The following ARPP19 variants were observed in gnomAD, a reference collection of about 807,000 sequenced individuals.
ARPP19 encodes the protein cAMP-regulated phosphoprotein 19.
Under a neutral mutation model 12.0 loss-of-function variants are expected in ARPP19, and 8 were observed. That is an observed-to-expected ratio of 0.67 (90% CI 0.39 to 1.21). The LOEUF (loss-of-function observed/expected upper bound fraction) is 1.21. ARPP19 is among the 50% of genes most tolerant of loss of function. The pLI is 0.01. For missense variants in ARPP19, 102 were observed against 136.3 expected (o/e 0.75, Z 1.25); for synonymous variants, 47 against 50.4 (o/e 0.93, Z 0.29).
intron 2 of ARPP19, among the ~76,000 whole-genome samples, chr15:52,555,701 G>A (rs1156583749): frequency 6.6e-6 from 1 of 151,884 alleles, no homozygotes; most frequent in African/African-American, 2.4e-5. Flanking sequence ...ACCCTGTTCT[G>A]AAACGAGTAA....
At chr15:52,552,583 C>CAAAAAA (rs10600080) in intron 2 of ARPP19, among the ~76,000 whole-genome samples, 1 of 59,694 alleles carries the variant, frequency 1.7e-5, no homozygotes, top group Non-Finnish European at 3.5e-5. Flanking sequence ...GACTGTCTCA[C>CAAAAAA]AAAAAAAAAA....
intron 1 of ARPP19, among the ~76,000 whole-genome samples, chr15:52,568,005 C>T (rs891438625): frequency 8.5e-5 from 13 of 152,084 alleles, no homozygotes; most frequent in Admixed American, 2.6e-4. Context: ...GAGGGCAGGG[C>T]GGTGGAAATA....
rs1595859662 is a variant in ARPP19, at chr15:52,550,926, A to C, written c.*1008T>G. The C allele has an allele frequency of 6.5e-6, 1 of 152,840 alleles. No homozygotes were observed. The highest frequency in any genetic ancestry group is 1.5e-5 in the Non-Finnish European group (1 of 68,040). 9.5% of individuals were successfully genotyped at this position (152,840 alleles called of 1,614,324 possible). On this transcript the variant is annotated 3_prime_UTR_variant, in exon 3 of 3. Transcript: ENST00000249822. The stretch of plus-strand genomic sequence containing the variant: ...AAAATCAAAATGAAAGGTTCTGCAT[A>C]GGACAAAAGATATGCCTAAGCAACA...
Position 52,551,638 on chromosome 15 carries a change from T to G in ARPP19, c.*296A>C. 1 of 239,608 alleles carries G rather than the reference T, an allele frequency of 4.2e-6. No homozygotes were observed. The highest frequency in any genetic ancestry group is 1.2e-4 in the South Asian group (1 of 8,208). 14.8% of individuals were successfully genotyped at this position (239,608 alleles called of 1,614,324 possible). A position where few individuals can be genotyped will look rare whatever the true frequency, so the allele number is the denominator to read the frequency against. Reference sequence around the variant, plus strand: ...GTAATGAAAGCCAAAACATTAAAATTTTAAAACTTGCTTGTTACTTGTTAG... The same window carrying G: ...GTAATGAAAGCCAAAACATTAAAATGTTAAAACTTGCTTGTTACTTGTTAG... On this transcript the variant is annotated 3_prime_UTR_variant, in exon 3 of 3. Coordinates refer to ENST00000249822, the MANE Select transcript of ARPP19 (RefSeq NM_006628.6).
At chr15:52,556,874 T>C in intron 2 of ARPP19, 1 of 414,610 alleles carries the variant, frequency 2.4e-6, no homozygotes, top group South Asian at 5.0e-5. Flanking sequence ...GCACTATTTC[T>C]ACATGCTTTA....
At chr15:52,567,249 C>A (rs2078091926) in intron 1 of ARPP19, among the ~76,000 whole-genome samples, 3 of 152,174 alleles carry the variant, frequency 2.0e-5, no homozygotes. Context: ...AACCAAAGCA[C>A]CTTAAATGTT....
chr15:52,566,063 C>T (rs899358358), intron 1 of ARPP19, among the ~76,000 whole-genome samples: 2 of 152,142 alleles, frequency 1.3e-5, no homozygotes, highest in African/African-American at 4.8e-5. Flanking sequence ...CCCATATTGG[C>T]CAGGCTGGTA....
chr15:52,553,442 C>T (rs1190188478), intron 2 of ARPP19, among the ~76,000 whole-genome samples: 1 of 152,066 alleles, frequency 6.6e-6, no homozygotes, highest in African/African-American at 2.4e-5. Context: ...AGAGCAAAAA[C>T]ATAAATTTGC....
At chr15:52,560,722 G>A (rs2078024290) in intron 1 of ARPP19, among the ~76,000 whole-genome samples, 1 of 152,228 alleles carries the variant, frequency 6.6e-6, no homozygotes, top group Non-Finnish European at 1.5e-5. Context: ...CAGTTACTGA[G>A]TTCTTATTAG....
At chr15:52,554,662 G>C (rs1446418446) in intron 2 of ARPP19, among the ~76,000 whole-genome samples, 1 of 152,078 alleles carries the variant, frequency 6.6e-6, no homozygotes, top group Non-Finnish European at 1.5e-5. Context: ...ACCTAAAGTG[G>C]TAATGTTCAA....
chr15:52,564,378 C>T, intron 1 of ARPP19: 2 of 662,916 alleles, frequency 3.0e-6, no homozygotes, highest in Non-Finnish European at 5.3e-6. Flanking sequence ...TGCCATTGCA[C>T]CCCAGCCTGG....
intron 1 of ARPP19, among the ~76,000 whole-genome samples, chr15:52,566,592 TTTTTA>T (rs545002234): frequency 4.1e-4 from 63 of 152,082 alleles, no homozygotes; most frequent in African/African-American, 1.3e-3. Flanking sequence ...ACCTGGCTAA[TTTTTA>T]TTTTATTTTA....
At chr15:52,560,022 C>T (rs900828074) in intron 1 of ARPP19, among the ~76,000 whole-genome samples, 9 of 152,160 alleles carry the variant, frequency 5.9e-5, no homozygotes, top group African/African-American at 2.2e-4. Context: ...AAATAGTTCT[C>T]CAAGTCTAAT....
rs946368591 is a variant in ARPP19 at position 52,550,303 on chromosome 15, A to G, written c.*1631T>C. The G allele has an allele frequency of 1.3e-5, 2 of 152,224 alleles. No individual in the cohort carries two copies. The highest frequency in any genetic ancestry group is 4.8e-5 in the African/African-American group (2 of 41,462). 9.4% of individuals were successfully genotyped at this position (152,224 alleles called of 1,614,324 possible). A position where few individuals can be genotyped will look rare whatever the true frequency, so the allele number is the denominator to read the frequency against. ...GGTATTTTACTAAAGTGACATCTACAGAAGCAAACATCTAAACATTTTTAA... is the reference window on the plus strand; with the variant it reads ...GGTATTTTACTAAAGTGACATCTACGGAAGCAAACATCTAAACATTTTTAA... On this transcript the variant is annotated 3_prime_UTR_variant, in exon 3 of 3. Coordinates refer to ENST00000249822, the MANE Select transcript of ARPP19 (RefSeq NM_006628.6).
At chr15:52,569,147 A>C, upstream of ARPP19, 1 of 512,904 alleles carries the variant, frequency 1.9e-6, no homozygotes, top group Non-Finnish European at 3.4e-6. Context: ...GCTGTCGTCC[A>C]AACACTTCCT....
chr15:52,547,914 G>A lies in ARPP19; in HGVS notation c.*4020C>T, dbSNP rs1431226831. 6.6e-6 allele frequency: 1 copy of A among 152,230 alleles called. No individual in the cohort carries two copies. Among genetic ancestry groups the A allele is most frequent in the Non-Finnish European group, 1.5e-5 (1 of 68,044 alleles). The allele number at this position is 152,230 out of a possible 1,614,324, so 9.4% of individuals were successfully genotyped here. ...ATGGGCTTAAGAAATAAGCAGGGAT[G>A]GGGGATAGAGAGGCAAAATGAGGTG... On this transcript the variant is annotated 3_prime_UTR_variant, in exon 3 of 3. Transcript: ENST00000249822.
At chr15:52,555,450 T>C (rs2077973072) in intron 2 of ARPP19, among the ~76,000 whole-genome samples, 1 of 152,052 alleles carries the variant, frequency 6.6e-6, no homozygotes, top group South Asian at 2.1e-4. Context: ...ACTTCTTCTA[T>C]TTATCCCCTA....
chr15:52,562,438 G>A (rs1271213353), intron 1 of ARPP19, among the ~76,000 whole-genome samples: 2 of 151,896 alleles, frequency 1.3e-5, no homozygotes, highest in Admixed American at 6.6e-5. Context: ...AAGAAAGCAC[G>A]AGTATTTAAA....
At chr15:52,566,469 T>A (rs576056580) in intron 1 of ARPP19, among the ~76,000 whole-genome samples, 2 of 152,264 alleles carry the variant, frequency 1.3e-5, no homozygotes, top group South Asian at 4.1e-4. Context: ...TTTAAATTTT[T>A]AAAAAATATT....
Sources: gnomAD v4.1 joint callset for allele counts (sites outside exome capture counted in the v4.1 genomes callset) on GRCh38, gnomAD v4.1.1 for gene constraint, MANE v1.5 for transcripts, NCBI Gene and HGNC (gene_info 2026-07-23, HGNC 2026-07-21) for gene names.